Variants in NSF observed in about 807,000 individuals in gnomAD.
NSF encodes the protein N-ethylmaleimide sensitive factor, vesicle fusing ATPase.
NSF carries 14 observed loss-of-function variants against 50.3 expected under a neutral mutation model. The ratio of observed to expected loss-of-function variants is 0.28; its 90% CI spans 0.18 to 0.44. The LOEUF is 0.44. Ranked by LOEUF, NSF falls within the 20% of genes least tolerant of loss-of-function variation. The pLI, the probability that NSF is intolerant of heterozygous loss-of-function variation, is 1.00. For missense variants in NSF, 218 were observed against 504.3 expected (o/e 0.43, Z 5.44); for synonymous variants, 109 against 175.7 (o/e 0.62, Z 3.00).
intron 9 of NSF, among the ~76,000 whole-genome samples, chr17:46,688,337 C>G (rs1160953033): frequency 6.7e-6 from 1 of 149,308 alleles, no homozygotes; most frequent in Non-Finnish European, 1.5e-5. Context: ...ATAGTGAGAC[C>G]TTATCTCTAA....
intron 19 of NSF, among the ~76,000 whole-genome samples, chr17:46,753,530 C>T (rs1409046062): frequency 6.6e-6 from 1 of 152,064 alleles, no homozygotes; most frequent in Non-Finnish European, 1.5e-5. Context: ...AGTGCAAATA[C>T]AGGTGTATTG....
At chr17:46,741,322 A>G (rs779294388) in intron 17 of NSF, among the ~76,000 whole-genome samples, 4 of 152,208 alleles carry the variant, frequency 2.6e-5, no homozygotes, top group Non-Finnish European at 4.4e-5. Context: ...GATATCCTTT[A>G]ATATCATGAA....
At chr17:46,722,000 C>A in intron 15 of NSF, 4 of 1,607,946 alleles carry the variant, frequency 2.5e-6, no homozygotes, top group Non-Finnish European at 3.4e-6. Context: ...AGCTTTCCGA[C>A]CACCACCAAC....
At chr17:46,635,902 A>G (rs1310137656) in intron 4 of NSF, among the ~76,000 whole-genome samples, 2 of 111,188 alleles carry the variant, frequency 1.8e-5, no homozygotes, top group East Asian at 4.2e-4. Context: ...GGGAAACTCA[A>G]ATGCAAAAAT....
At chr17:46,727,768 A>G (rs983082103) in intron 16 of NSF, among the ~76,000 whole-genome samples, 1 of 152,192 alleles carries the variant, frequency 6.6e-6, no homozygotes, top group Non-Finnish European at 1.5e-5. Flanking sequence ...GTGTGTGGTC[A>G]TAGCAACACT....
chr17:46,755,388 T>C lies in NSF; in HGVS notation c.2213+19T>C, dbSNP rs1211881766. 1.5e-5 allele frequency: 24 copies of C among 1,603,016 alleles called. No individual in the cohort carries two copies. The highest frequency in any genetic ancestry group is 2.1e-5 in the Non-Finnish European group (24 of 1,169,802). On this transcript the variant is annotated intron_variant, in intron 20 of 20. Transcript: ENST00000398238. ...AAGGAGCGTAAGTACATACAACATTTAATGACCATCAACCAAACTTACCAC... is the reference window on the plus strand; with the variant it reads ...AAGGAGCGTAAGTACATACAACATTCAATGACCATCAACCAAACTTACCAC...
intron 18 of NSF, among the ~76,000 whole-genome samples, chr17:46,750,418 C>T (rs2059170975): frequency 6.6e-6 from 1 of 152,084 alleles, no homozygotes; most frequent in African/African-American, 2.4e-5. Context: ...TGGAATATTG[C>T]ATTATATTTA....
chr17:46,727,134 G>T (rs2058896943), intron 16 of NSF, among the ~76,000 whole-genome samples: 1 of 152,088 alleles, frequency 6.6e-6, no homozygotes, highest in African/African-American at 2.4e-5. Context: ...AGACAAAAAT[G>T]GGATAATAAA....
chr17:46,635,777 ATGTGTGTGTGTGTG>A (rs148930686), intron 4 of NSF, among the ~76,000 whole-genome samples: 1,413 of 116,790 alleles, frequency 0.012, 116 homozygotes, highest in African/African-American at 0.037. Flanking sequence ...GGGAAAATAA[ATGTGTGTGTGTGTG>A]TGTGTGTGTG....
chr17:46,710,999 A>G lies in NSF; in HGVS notation c.1507A>G (p.Ile503Val), dbSNP rs2058714315. 2.5e-6 allele frequency: 4 copies of G among 1,597,524 alleles called. No individual in the cohort carries two copies. The highest frequency in any genetic ancestry group is 1.7e-4 in the Middle Eastern group (1 of 5,994). Residue 503 changes from isoleucine to valine, a missense_variant, in exon 14 of 21, where the codon ATT becomes GTT. By Grantham distance (29) the Ile-to-Val change is conservative. Around this residue, in one of 2 missense-constraint regions of NSF, gnomAD observed 209 missense variants for 320.9 expected, o/e 0.65. Coordinates refer to ENST00000398238, the MANE Select transcript of NSF (RefSeq NM_006178.4). ...AAACCAAGAAGATTATGCAAGTTACATTATGAACGGTATCATCAAATGGGG... is the reference window on the plus strand; with the variant it reads ...AAACCAAGAAGATTATGCAAGTTACGTTATGAACGGTATCATCAAATGGGG... The part of the protein sequence containing the change: ...GTNQEDYASY[I>V]MNGIIKWGDP...
rs2058503839 is a variant in NSF at position 46,687,409 on chromosome 17, A to AAAC, written c.946-5492_946-5491insCAA. On this transcript the variant is annotated intron_variant, in intron 9 of 20. Transcript: ENST00000398238. ...TGCTAGAAACAAACAAACAAACAAA[A>AAAC]AAAATTCCCTTGTATCTTTTCCCTT... Among the ~76,000 whole-genome samples the AAAC allele has an allele frequency of 5.3e-5, 8 of 151,146 alleles. No individual in the cohort carries two copies. In the East Asian group the frequency reaches 1.4e-3, roughly 26 times the overall value.
At chr17:46,713,320 C>T (rs914074718) in intron 14 of NSF, 2 of 153,180 alleles carry the variant, frequency 1.3e-5, no homozygotes, top group African/African-American at 4.8e-5. Context: ...AGGGACACAG[C>T]TTCCAAAACA....
At chr17:46,751,334 ATGG>A (rs1481076183) in intron 18 of NSF, among the ~76,000 whole-genome samples, 166 bp from the exon 19 acceptor site, 2 of 152,184 alleles carry the variant, frequency 1.3e-5, no homozygotes, top group Non-Finnish European at 2.9e-5. Context: ...ATTGCACCTA[ATGG>A]GTTTAGGATG....
At chr17:46,750,565 A>G (rs1019902253) in intron 18 of NSF, among the ~76,000 whole-genome samples, 2 of 152,170 alleles carry the variant, frequency 1.3e-5, no homozygotes, top group African/African-American at 4.8e-5. Flanking sequence ...CTCAACCTGT[A>G]CCTCCAGTTG....
chr17:46,688,520 AT>A (rs1450053809), intron 9 of NSF, among the ~76,000 whole-genome samples: 1 of 80,774 alleles, frequency 1.2e-5, no homozygotes, highest in Non-Finnish European at 2.3e-5. Context: ...TCTGTTCTTT[AT>A]TTTTTTATTT....
chr17:46,725,121 A>G (rs1425532423), intron 15 of NSF, among the ~76,000 whole-genome samples: 2 of 152,226 alleles, frequency 1.3e-5, no homozygotes, highest in African/African-American at 4.8e-5. Context: ...CAATGAATCA[A>G]TAATATATAT....
In NSF at chr17:46,756,997, C is replaced by G. The variant is rs1208965305; in HGVS notation, c.*1174C>G. The G allele has an allele frequency of 6.6e-6, 1 of 152,002 alleles. No individual in the cohort carries two copies. The allele number at this position is 152,002 out of a possible 1,614,324, so 9.4% of individuals were successfully genotyped here. ...TGAGACTTATGGAGTGTGCCTCTCT[C>G]TCCCAACTGCTGCTTAAAATGCAAG... On this transcript the variant is annotated 3_prime_UTR_variant, in exon 21 of 21. Transcript: ENST00000398238.
chr17:46,598,546 G>C (rs1219531861), intron 1 of NSF, among the ~76,000 whole-genome samples: 4 of 152,214 alleles, frequency 2.6e-5, no homozygotes, highest in Admixed American at 2.6e-4. Flanking sequence ...GCAGAGATAG[G>C]AGTAAGATAA....
chr17:46,750,285 G>A (rs1397179764), intron 18 of NSF, among the ~76,000 whole-genome samples: 5 of 152,160 alleles, frequency 3.3e-5, no homozygotes, highest in African/African-American at 7.2e-5. Flanking sequence ...CCCAGGAGGC[G>A]GAGGTTGCAG....
Sources: allele counts gnomAD v4.1 joint callset (sites outside exome capture counted in the v4.1 genomes callset), GRCh38; gene constraint gnomAD v4.1.1; regional missense constraint gnomAD v4.1.1; transcripts MANE v1.5; gene names NCBI Gene and HGNC (gene_info 2026-07-23, HGNC 2026-07-21).